Variants in GNAS observed in about 807,000 individuals in gnomAD.
GNAS encodes the protein protein ALEX.
A neutral mutation model predicts 54.5 loss-of-function variants in GNAS; 8 were observed. That is an observed-to-expected ratio of 0.15 (90% CI 0.09 to 0.26). GNAS has a LOEUF of 0.26. GNAS is among the 10% of genes least tolerant of loss of function. The pLI, the probability that GNAS is intolerant of heterozygous loss-of-function variation, is 1.00. For missense variants in GNAS, 170 were observed against 529.8 expected, an observed-to-expected ratio of 0.32 and a Z score of 6.67; for synonymous variants, 204 against 191.4, an observed-to-expected ratio of 1.07 and a Z score of -0.54.
Position 58,891,759 on chromosome 20 carries a change from C to T in GNAS, c.33C>T (p.Asp11=), listed in dbSNP as rs759184113. 4 of 1,259,660 alleles carry T rather than the reference C, an allele frequency of 3.2e-6. No individual in the cohort carries two copies. The Admixed American group carries it at 6.6e-5, about 21-fold the overall frequency. The allele number at this position is 1,259,660 out of a possible 1,614,324, so 78.0% of individuals were successfully genotyped here. A position where few individuals can be genotyped will look rare whatever the true frequency, so the allele number is the denominator to read the frequency against. Residue 11 remains aspartate (D), a synonymous_variant, in exon 1 of 13, where the codon GAC becomes GAT. Transcript: ENST00000371085. Reference sequence around the variant, plus strand: ...GCCTCGGGAACAGTAAGACCGAGGACCAGCGCAACGAGGAGAAGGCGCAGC... The same window carrying T: ...GCCTCGGGAACAGTAAGACCGAGGATCAGCGCAACGAGGAGAAGGCGCAGC... MGCLGNSKTE[D]QRNEEKAQRE...
At chr20:58,907,993 A>G (rs1237917423) in intron 6 of GNAS, among the ~76,000 whole-genome samples, 1 of 152,246 alleles carries the variant, frequency 6.6e-6, no homozygotes, top group Non-Finnish European at 1.5e-5. Context: ...CCATGGTAAC[A>G]TGCTGGAGGC....
chr20:58,860,625 A>C (rs1488514910), intron 1 of GNAS, among the ~76,000 whole-genome samples: 1 of 152,082 alleles, frequency 6.6e-6, no homozygotes. Flanking sequence ...GCGTGGTCTT[A>C]GAAATCACCT....
At chr20:58,852,939 C>T (rs2086242598) in intron 1 of GNAS, 4 of 917,482 alleles carry the variant, frequency 4.4e-6, no homozygotes, top group African/African-American at 1.7e-5. Flanking sequence ...TCCAAGCAGG[C>T]GGGACTGGCC....
chr20:58,872,953 T>C (rs1221616464), intron 1 of GNAS, among the ~76,000 whole-genome samples: 1 of 152,206 alleles, frequency 6.6e-6, no homozygotes, highest in African/African-American at 2.4e-5. Context: ...TTGGCCTTCT[T>C]GTAAAGCACA....
chr20:58,891,687 C>CGCCGCAGCCCG lies in GNAS; in HGVS notation c.-34_-24dup. 6.1e-6 allele frequency: 6 copies of CGCCGCAGCCCG among 977,422 alleles called. No individual in the cohort carries two copies. Among genetic ancestry groups the CGCCGCAGCCCG allele is most frequent in the Non-Finnish European group, 7.3e-6 (6 of 825,428 alleles). 60.5% of individuals were successfully genotyped at this position (977,422 alleles called of 1,614,324 possible). A position where few individuals can be genotyped will look rare whatever the true frequency, so the allele number is the denominator to read the frequency against. Reference sequence around the variant, plus strand: ...GCGTGAGGCCGCCCGCGCCCGCCGCCGCCGCAGCCCGGCCGCGCCCCGCCG... The same window carrying CGCCGCAGCCCG: ...GCGTGAGGCCGCCCGCGCCCGCCGCCGCCGCAGCCCGGCCGCAGCCCGGCCGCGCCCCGCCG... On this transcript the variant is annotated 5_prime_UTR_variant, in exon 1 of 13. Transcript: ENST00000371085.
chr20:58,901,788 G>A (rs754948859), intron 3 of GNAS, among the ~76,000 whole-genome samples: 12 of 151,838 alleles, frequency 7.9e-5, no homozygotes, highest in Non-Finnish European at 1.8e-4. Flanking sequence ...AAGACCAAAT[G>A]ATTTGTGGAA....
intron 1 of GNAS, chr20:58,876,587 T>C (rs2087835408): frequency 6.6e-6 from 1 of 151,810 alleles, no homozygotes. Context: ...GAGGAGAGCA[T>C]CGAATTATAT....
chr20:58,905,627 C>T lies in GNAS; in HGVS notation c.530+147C>T. On this transcript the variant is annotated intron_variant, in intron 6 of 12. Transcript: ENST00000371085. Reference sequence around the variant, plus strand: ...TACCCCACTGGCAGAAAGTTCTAATCTGATTCAATTGTTTATTTATAAAGT... The same window carrying T: ...TACCCCACTGGCAGAAAGTTCTAATTTGATTCAATTGTTTATTTATAAAGT... 4.3e-6 allele frequency: 3 copies of T among 690,840 alleles called. No homozygotes were observed. In the South Asian group the frequency reaches 4.6e-5, roughly 11 times the overall value. The allele number at this position is 690,840 out of a possible 1,614,324, so 42.8% of individuals were successfully genotyped here. A position where few individuals can be genotyped will look rare whatever the true frequency, so the allele number is the denominator to read the frequency against.
At chr20:58,899,649 TCACACA>T (rs371284636) in intron 3 of GNAS, among the ~76,000 whole-genome samples, 5 of 133,236 alleles carry the variant, frequency 3.8e-5, no homozygotes, top group Non-Finnish European at 5.1e-5. Flanking sequence ...CCCACACCCA[TCACACA>T]CACACACACG....
intron 6 of GNAS, among the ~76,000 whole-genome samples, chr20:58,905,928 C>G (rs1287467755): frequency 6.6e-6 from 1 of 151,756 alleles, no homozygotes; most frequent in African/African-American, 2.4e-5. Context: ...GTTGATTGAT[C>G]TATTTCTGCT....
Position 58,854,266 on chromosome 20 carries a change from G to A in GNAS, c.43+13380G>A, listed in dbSNP as rs535138966. ...GACAGCCCCCCAATCGCGCTTGACGGCCCGCCCATCAAGGTCTCCGGAGCC... is the reference window on the plus strand; with the variant it reads ...GACAGCCCCCCAATCGCGCTTGACGACCCGCCCATCAAGGTCTCCGGAGCC... On this transcript the variant is annotated intron_variant, in intron 1 of 12. Transcript: ENST00000306090. 61 of 1,612,510 alleles carry A rather than the reference G, an allele frequency of 3.8e-5. No individual in the cohort carries two copies. Among genetic ancestry groups the A allele is most frequent in the Non-Finnish European group, 4.8e-5 (57 of 1,179,574 alleles).
At chr20:58,892,731 C>A (rs933172612) in intron 1 of GNAS, among the ~76,000 whole-genome samples, 3 of 152,008 alleles carry the variant, frequency 2.0e-5, no homozygotes, top group African/African-American at 7.3e-5. Context: ...CACCCCCCAA[C>A]ACCAAAAAAT....
At chr20:58,903,927 T>TGTCC (rs2090867746) in intron 5 of GNAS, 136 bp downstream of exon 5, 2 of 851,796 alleles carry the variant, frequency 2.3e-6, no homozygotes, top group Non-Finnish European at 2.0e-6. Flanking sequence ...ATTTCAGTGA[T>TGTCC]GTCCATCCTT....
At chr20:58,854,847 C>T (rs2145576687) in intron 1 of GNAS, 5 of 1,597,112 alleles carry the variant, frequency 3.1e-6, no homozygotes, top group Non-Finnish European at 4.2e-6. Flanking sequence ...CAAGATCCAT[C>T]TCAGACCCCC....
intron 1 of GNAS, among the ~76,000 whole-genome samples, chr20:58,861,952 G>C (rs1201103258): frequency 6.6e-6 from 1 of 151,668 alleles, no homozygotes; most frequent in Admixed American, 6.6e-5. Context: ...TGATCTGCCC[G>C]CCTCAGCCAC....
intron 5 of GNAS, 79 bp downstream of exon 5, chr20:58,903,870 C>A (rs1173793831): frequency 1.2e-5 from 18 of 1,472,420 alleles, no homozygotes; most frequent in East Asian, 6.8e-5. Flanking sequence ...GAGTGACAGC[C>A]CTGCACATGG....
Position 58,903,917 on chromosome 20 carries a change from A to G in GNAS, c.432+126A>G, listed in dbSNP as rs1249117981. On this transcript the variant is annotated intron_variant, in intron 5 of 12. Coordinates refer to ENST00000371085, the MANE Select transcript of GNAS (RefSeq NM_000516.7). Reference sequence around the variant, plus strand: ...CAAACCACACTTCAGGCAAAACTACATTTCAGTGATGTCCATCCTTAGGAA... The same window carrying G: ...CAAACCACACTTCAGGCAAAACTACGTTTCAGTGATGTCCATCCTTAGGAA... The G allele has an allele frequency of 3.3e-6, 3 of 907,418 alleles. No homozygotes were observed. In the African/African-American group the frequency reaches 4.9e-5, roughly 15 times the overall value. The allele number at this position is 907,418 out of a possible 1,614,324, so 56.2% of individuals were successfully genotyped here. A position where few individuals can be genotyped will look rare whatever the true frequency, so the allele number is the denominator to read the frequency against.
chr20:58,854,126 G>A (rs764426803), intron 1 of GNAS: 1 of 1,612,400 alleles, frequency 6.2e-7, no homozygotes, highest in South Asian at 1.1e-5. Flanking sequence ...CATCCCAAGA[G>A]GCTGTCAGAC....
intron 1 of GNAS, chr20:58,852,968 A>G (rs1363331613): frequency 3.5e-6 from 4 of 1,132,612 alleles, no homozygotes; most frequent in African/African-American, 1.6e-5. Context: ...AAAGAAAGAG[A>G]GAGGAGGGCG....
Sources: gnomAD v4.1 joint callset for allele counts (sites outside exome capture counted in the v4.1 genomes callset) on GRCh38, gnomAD v4.1.1 for gene constraint, MANE v1.5 for transcripts, NCBI Gene and HGNC (gene_info 2026-07-23, HGNC 2026-07-21) for gene names.